Variants in RFX3 observed in about 807,000 individuals in gnomAD.
The protein encoded by RFX3 is transcription factor RFX3.
In RFX3, 14 loss-of-function variants were observed where a neutral mutation model predicts 98.6. The observed-to-expected ratio is 0.14, with a 90% CI of 0.09 to 0.22. The LOEUF is 0.22. Among genes scored for constraint, RFX3 ranks in the 10% least tolerant of loss-of-function variants. RFX3 has a pLI of 1.00. For synonymous variants in RFX3, 383 were observed against 328.4 expected (o/e 1.17, Z -1.80); for missense variants, 639 against 926.9 (o/e 0.69, Z 4.03).
intron 4 of RFX3, among the ~76,000 whole-genome samples, chr9:3,318,060 G>A (rs1327232543): frequency 1.3e-5 from 2 of 152,178 alleles, no homozygotes; most frequent in African/African-American, 2.4e-5. Flanking sequence ...CTGCTATAAA[G>A]ACACATGCAC....
chr9:3,400,874 C>T (rs1424736066), intron 1 of RFX3, among the ~76,000 whole-genome samples: 1 of 152,170 alleles, frequency 6.6e-6, no homozygotes, highest in African/African-American at 2.4e-5. Flanking sequence ...GATTAAATAA[C>T]TTGCCAAAAG....
At chr9:3,384,961 C>T (rs900574445) in intron 2 of RFX3, among the ~76,000 whole-genome samples, 3 of 152,128 alleles carry the variant, frequency 2.0e-5, no homozygotes, top group Non-Finnish European at 2.9e-5. Flanking sequence ...AAGTCAGTCC[C>T]TCTGGGGAAA....
chr9:3,438,503 T>C (rs1845351707), intron 1 of RFX3, among the ~76,000 whole-genome samples: 1 of 151,676 alleles, frequency 6.6e-6, no homozygotes, highest in South Asian at 2.1e-4. Flanking sequence ...AAAGAACAAA[T>C]GGCAAGATGA....
chr9:3,310,330 T>C (rs899924179), intron 4 of RFX3, among the ~76,000 whole-genome samples: 8 of 152,250 alleles, frequency 5.3e-5, no homozygotes, highest in African/African-American at 1.9e-4. Context: ...TTAATGTAAA[T>C]ATTAACCTGT....
chr9:3,351,561 GT>G (rs1229351053), intron 2 of RFX3, among the ~76,000 whole-genome samples: 1 of 151,792 alleles, frequency 6.6e-6, no homozygotes, highest in Non-Finnish European at 1.5e-5. Context: ...TGAATAAATA[GT>G]TTGCAACGTA....
intron 1 of RFX3, among the ~76,000 whole-genome samples, chr9:3,448,794 G>T (rs1006006934): frequency 6.6e-6 from 1 of 152,122 alleles, no homozygotes; most frequent in African/African-American, 2.4e-5. Context: ...CACTGGGTTT[G>T]CAAGTGTGAG....
intron 2 of RFX3, among the ~76,000 whole-genome samples, chr9:3,359,746 T>A (rs1836192738): frequency 6.6e-6 from 1 of 152,130 alleles, no homozygotes; most frequent in Admixed American, 6.6e-5. Flanking sequence ...TTTTAAATAA[T>A]GAAAAAAATG....
intron 2 of RFX3, among the ~76,000 whole-genome samples, chr9:3,392,726 G>GA (rs149170854): frequency 4.2e-4 from 63 of 150,716 alleles, no homozygotes; most frequent in Non-Finnish European, 6.7e-4. Context: ...AAGTTTCAGA[G>GA]AAAAAAAAAT....
chr9:3,368,540 AAG>A (rs1280839950), intron 2 of RFX3, among the ~76,000 whole-genome samples: 1 of 152,240 alleles, frequency 6.6e-6, no homozygotes, highest in Non-Finnish European at 1.5e-5. Context: ...ATTTAAAGAT[AAG>A]AAAATGGTCT....
At chr9:3,387,413 A>G (rs1839839007) in intron 2 of RFX3, among the ~76,000 whole-genome samples, 2 of 152,270 alleles carry the variant, frequency 1.3e-5, no homozygotes, top group South Asian at 2.1e-4. Flanking sequence ...AAAGCATACT[A>G]TTACTCAACT....
chr9:3,474,837 C>A (rs1166748257), intron 1 of RFX3, among the ~76,000 whole-genome samples: 6 of 152,196 alleles, frequency 3.9e-5, no homozygotes, highest in African/African-American at 1.4e-4. Flanking sequence ...TGGCTCATGC[C>A]TGTAATCTCC....
intron 1 of RFX3, among the ~76,000 whole-genome samples, chr9:3,423,703 C>T (rs1843652766): frequency 1.4e-5 from 2 of 146,786 alleles, no homozygotes; most frequent in South Asian, 4.3e-4. Context: ...GTGGTGGTTA[C>T]ATAGATATAA....
At chr9:3,489,033 G>A in intron 1 of RFX3, 1 of 312,942 alleles carries the variant, frequency 3.2e-6, no homozygotes, top group Non-Finnish European at 4.6e-6. Context: ...TTAAAGTGTA[G>A]TATTTAAAGA....
At chr9:3,449,646 G>C (rs772451270) in intron 1 of RFX3, among the ~76,000 whole-genome samples, 9 of 152,166 alleles carry the variant, frequency 5.9e-5, no homozygotes, top group Non-Finnish European at 1.2e-4. Context: ...GAGCTCAGGA[G>C]TTCAAGACCA....
intron 9 of RFX3, among the ~76,000 whole-genome samples, chr9:3,273,438 T>C (rs1824772508): frequency 1.3e-5 from 2 of 152,160 alleles, no homozygotes; most frequent in South Asian, 4.1e-4. Context: ...AATACAAATC[T>C]TATAATTCAA....
intron 6 of RFX3, among the ~76,000 whole-genome samples, chr9:3,292,747 C>T (rs981572700): frequency 1.3e-4 from 19 of 151,590 alleles, no homozygotes; most frequent in East Asian, 3.9e-4. Flanking sequence ...TTTTTATGTG[C>T]GTGTGTGTGT....
intron 1 of RFX3, among the ~76,000 whole-genome samples, chr9:3,492,122 G>C (rs1269717215): frequency 6.6e-6 from 1 of 152,064 alleles, no homozygotes; most frequent in East Asian, 1.9e-4. Flanking sequence ...GTGCTAGAAG[G>C]TAATTAGGTG....
chr9:3,330,667 A>G (rs1013714683), intron 3 of RFX3, 150 bp from the exon 4 acceptor site: 13 of 685,524 alleles, frequency 1.9e-5, no homozygotes, highest in Middle Eastern at 8.1e-4. Flanking sequence ...TCATTCCCAG[A>G]AACAGTTCGA....
intron 1 of RFX3, among the ~76,000 whole-genome samples, chr9:3,414,764 GTA>G (rs1457443911): frequency 6.9e-5 from 9 of 129,734 alleles, no homozygotes; most frequent in Non-Finnish European, 1.3e-4. Flanking sequence ...GAGTATATAT[GTA>G]TATATGAGTA....
Sources: allele counts gnomAD v4.1 joint callset (sites outside exome capture counted in the v4.1 genomes callset), GRCh38; gene constraint gnomAD v4.1.1; transcripts MANE v1.5; gene names NCBI Gene and HGNC (gene_info 2026-07-23, HGNC 2026-07-21).